The following STAB2 variants were observed in gnomAD, a reference collection of about 807,000 sequenced individuals.
STAB2 encodes the protein stabilin-2.
A neutral mutation model predicts 338.1 loss-of-function variants in STAB2; 288 were observed. The ratio of observed to expected loss-of-function variants is 0.85; its 90% CI spans 0.77 to 0.94. The LOEUF is 0.94. Ranked by LOEUF, STAB2 falls within the 40% of genes least tolerant of loss-of-function variation. STAB2 has a pLI of 0.00. For missense variants in STAB2, 3,141 were observed against 3,210.1 expected (o/e 0.98, Z 0.52); for synonymous variants, 1,202 against 1,193.3 (o/e 1.01, Z -0.15).
intron 3 of STAB2, among the ~76,000 whole-genome samples, chr12:103,610,523 C>T (rs796988893): frequency 3.9e-5 from 6 of 152,078 alleles, no homozygotes; most frequent in African/African-American, 7.2e-5. Context: ...TCTGTGGGAT[C>T]GGTGGTGATA....
chr12:103,668,971 G>A, intron 20 of STAB2: 1 of 410,036 alleles, frequency 2.4e-6, no homozygotes, highest in South Asian at 5.2e-5. Context: ...TCCCCACATG[G>A]CCCACCCTCT....
At chr12:103,766,252 A>G in intron 68 of STAB2, 34 bp from the exon 69 acceptor site, 1 of 1,613,806 alleles carries the variant, frequency 6.2e-7, no homozygotes, top group Non-Finnish European at 8.5e-7. Flanking sequence ...AACACACAGA[A>G]TGCCCTGCCC....
At chr12:103,632,030 A>G (rs1008920200) in intron 6 of STAB2, among the ~76,000 whole-genome samples, 1 of 152,156 alleles carries the variant, frequency 6.6e-6, no homozygotes, top group African/African-American at 2.4e-5. Context: ...TGAGTCACCT[A>G]GTAAAGGAGA....
intron 61 of STAB2, among the ~76,000 whole-genome samples, chr12:103,754,032 C>T (rs1593341473): frequency 6.6e-6 from 1 of 152,182 alleles, no homozygotes; most frequent in African/African-American, 2.4e-5. Flanking sequence ...GGTTGGAGTT[C>T]CAGGCTGGTG....
intron 2 of STAB2, among the ~76,000 whole-genome samples, chr12:103,593,726 A>G (rs1400308898): frequency 6.6e-6 from 1 of 152,226 alleles, no homozygotes; most frequent in Non-Finnish European, 1.5e-5. Flanking sequence ...AAGAAACAAC[A>G]TTTATGAAGG....
rs973419545 is a variant in STAB2, at chr12:103,658,281, T to C, written c.1735-2050T>C. Among the ~76,000 whole-genome samples the C allele has an allele frequency of 2.0e-5, 3 of 152,086 alleles. No homozygotes were observed. The East Asian group carries it at 5.8e-4, about 29-fold the overall frequency. ...CCTGAAACAGCAGGAAGGAAGTGAG[T>C]GCCCTCATAAAAGAAAGAATGTGTC... is the stretch of plus-strand genomic sequence containing the variant. On this transcript the variant is annotated intron_variant, in intron 15 of 68. Transcript: ENST00000388887.
chr12:103,638,444 G>A (rs76172259), intron 8 of STAB2, among the ~76,000 whole-genome samples: 324 of 152,158 alleles, frequency 2.1e-3, no homozygotes, highest in African/African-American at 7.4e-3. Flanking sequence ...ATTGTCTTAC[G>A]TTCTCTCCTG....
intron 22 of STAB2, among the ~76,000 whole-genome samples, chr12:103,671,121 C>A (rs1160021284): frequency 2.0e-5 from 3 of 152,188 alleles, no homozygotes; most frequent in Non-Finnish European, 4.4e-5. Context: ...CCAAAAGTTT[C>A]TCCACATTCT....
In STAB2 at chr12:103,726,177, AT is replaced by A; in HGVS notation, c.4851+15del. The A allele has an allele frequency of 6.2e-7, 1 of 1,613,694 alleles. No homozygotes were observed. ...TTCCAGTTGCAGGTAGGAAATATAC[AT>A]GTCTGTCTAGCCATAAGAGTTCAGC... On this transcript the variant is annotated intron_variant, in intron 46 of 68. Coordinates refer to ENST00000388887, the MANE Select transcript of STAB2 (RefSeq NM_017564.10).
chr12:103,631,456 C>G (rs1297699361), intron 5 of STAB2, 142 bp from the exon 6 acceptor site: 1 of 574,014 alleles, frequency 1.7e-6, no homozygotes, highest in African/African-American at 2.0e-5. Flanking sequence ...AAAAAAAAAC[C>G]TGGTGCTGAT....
chr12:103,637,900 T>C (rs1425727214), intron 7 of STAB2, 116 bp from the exon 8 acceptor site: 3 of 1,058,432 alleles, frequency 2.8e-6, no homozygotes, highest in East Asian at 2.4e-5. Context: ...AGGAAATGTT[T>C]GTCTTTGAAA....
At chr12:103,594,354 TG>T (rs750986143) in intron 2 of STAB2, 40 bp from the exon 3 acceptor site, 13 of 1,482,436 alleles carry the variant, frequency 8.8e-6, no homozygotes, top group Non-Finnish European at 1.1e-5. Context: ...GTAACTGCAT[TG>T]CTCTTATCGT....
In STAB2 at chr12:103,731,563, A is replaced by G. The variant is rs201483561; in HGVS notation, c.5224-13A>G. On this transcript the variant is annotated splice_polypyrimidine_tract_variant and intron_variant, in intron 49 of 68. Transcript: ENST00000388887. ...AAGGAAAAGTTTCATGCCCATTCTT[A>G]TTATCTTTGCAGCAAAATCTTACGA... 62 of 1,613,506 alleles carry G rather than the reference A, an allele frequency of 3.8e-5. No individual in the cohort carries two copies. In the East Asian group the frequency reaches 1.2e-3, roughly 32 times the overall value.
chr12:103,644,894 C>T (rs1873221061), intron 9 of STAB2, among the ~76,000 whole-genome samples: 1 of 152,168 alleles, frequency 6.6e-6, no homozygotes, highest in African/African-American at 2.4e-5. Flanking sequence ...CATTGCATGT[C>T]TGTAACAAAA....
chr12:103,648,692 G>A lies in STAB2; in HGVS notation c.1043G>A (p.Cys348Tyr), dbSNP rs776562736. The change falls in exon 10 of 69, where the codon TGC becomes TAC. Residue 348 changes from cysteine (C) to tyrosine (Y), a missense_variant and splice_region_variant. Transcript: ENST00000388887. ...ATGTCTTTTCCCCCTCTCTGTAGATGCATTTGCCAGAAAGGTTACGTGGGT... is the reference window on the plus strand; with the variant it reads ...ATGTCTTTTCCCCCTCTCTGTAGATACATTTGCCAGAAAGGTTACGTGGGT... ...CTTVAPGRTE[C>Y]ICQKGYVGDG... 1.2e-6 allele frequency: 2 copies of A among 1,613,558 alleles called. No homozygotes were observed. Among genetic ancestry groups the A allele is most frequent in the Admixed American group, 3.3e-5 (2 of 59,952 alleles).
At chr12:103,594,600 G>A in intron 3 of STAB2, 90 bp downstream of exon 3, 2 of 1,020,722 alleles carry the variant, frequency 2.0e-6, no homozygotes, top group Non-Finnish European at 3.1e-6. Flanking sequence ...ATAAAAAGAA[G>A]AATGTTAACA....
In STAB2 at chr12:103,708,487, T is replaced by C; in HGVS notation, c.4239T>C (p.Asp1413=). The change falls in exon 39 of 69, where the codon GAT becomes GAC. Residue 1413 remains aspartate, a synonymous_variant. Coordinates refer to ENST00000388887, the MANE Select transcript of STAB2 (RefSeq NM_017564.10). ...GATGCAACCAAGGACCCTTGGGAGA[T>C]GGCTCCTGTGACTGTGATGTTGGCT... ...HGRCNQGPLG[D]GSCDCDVGWR... The C allele has an allele frequency of 1.2e-6, 2 of 1,614,154 alleles. No homozygotes were observed. The highest frequency in any genetic ancestry group is 1.7e-6 in the Non-Finnish European group (2 of 1,179,968).
intron 36 of STAB2, 127 bp downstream of exon 36, chr12:103,704,741 C>T: frequency 1.2e-6 from 1 of 820,314 alleles, no homozygotes; most frequent in Non-Finnish European, 1.9e-6. Flanking sequence ...TACACTTTAC[C>T]TCGTTATATT....
In STAB2 at chr12:103,612,766, T is replaced by C. The variant is rs544898609; in HGVS notation, c.332-7702T>C. On this transcript the variant is annotated intron_variant, in intron 3 of 68. Transcript: ENST00000388887. The stretch of plus-strand genomic sequence containing the variant: ...CTTTGGAGGGGGAGAGGTGCTCTGA[T>C]TTTTAGAATTTTCAGTTTTTCTGCT... Among the ~76,000 whole-genome samples the C allele has an allele frequency of 3.8e-4, 58 of 152,326 alleles. No homozygotes were observed. In the Middle Eastern group the frequency reaches 0.01, roughly 27 times the overall value.
Sources: allele counts gnomAD v4.1 joint callset (sites outside exome capture counted in the v4.1 genomes callset), GRCh38; gene constraint gnomAD v4.1.1; transcripts MANE v1.5; gene names NCBI Gene and HGNC (gene_info 2026-07-23, HGNC 2026-07-21).